Variants in CYTH2 observed in about 807,000 individuals in gnomAD.
The protein encoded by CYTH2 is cytohesin 2.
In CYTH2, 24 loss-of-function variants were observed where a neutral mutation model predicts 55.4. The observed-to-expected ratio is 0.43, with a 90% CI of 0.31 to 0.61. CYTH2 has a LOEUF of 0.61. Among genes scored for constraint, CYTH2 ranks in the 20% least tolerant of loss-of-function variants. CYTH2 has a pLI of 0.08. For synonymous variants in CYTH2, 221 were observed against 209.6 expected (o/e 1.05, Z -0.47); for missense variants, 378 against 533.5 (o/e 0.71, Z 2.87).
At chr19:48,476,021 G>A (rs369531827) in intron 8 of CYTH2, 4 of 519,628 alleles carry the variant, frequency 7.7e-6, no homozygotes, top group African/African-American at 3.8e-5. Flanking sequence ...CAGGCTTCTT[G>A]GAAGGAGGTT....
rs991753613 is a variant in CYTH2 at position 48,469,955 on chromosome 19, T to A, written c.20-398T>A. 4 of 550,706 alleles carry A rather than the reference T, an allele frequency of 7.3e-6. No homozygotes were observed. In the Admixed American group the frequency reaches 8.9e-5, roughly 12 times the overall value. 34.1% of individuals were successfully genotyped at this position (550,706 alleles called of 1,614,324 possible). A position where few individuals can be genotyped will look rare whatever the true frequency, so the allele number is the denominator to read the frequency against. ...ATCAGTTCCCCCGGCTGTAGTGACTTTTCATGGACCCAGTAGTCCGGATAA... is the reference window on the plus strand; with the variant it reads ...ATCAGTTCCCCCGGCTGTAGTGACTATTCATGGACCCAGTAGTCCGGATAA... On this transcript the variant is annotated intron_variant, in intron 1 of 11. Transcript: ENST00000452733.
chr19:48,473,843 C>G, intron 5 of CYTH2, 62 bp from the exon 6 acceptor site: 7 of 1,342,488 alleles, frequency 5.2e-6, no homozygotes, highest in Non-Finnish European at 7.2e-6. Context: ...AACACAGGGA[C>G]TGAGAGTGGG....
rs1972006907 is a variant in CYTH2 at position 48,479,323 on chromosome 19, T to G, written c.*113T>G. On this transcript the variant is annotated 3_prime_UTR_variant, in exon 12 of 12. Coordinates refer to ENST00000452733, the MANE Select transcript of CYTH2 (RefSeq NM_004228.7). ...CCCTGTTTGGAAAATTCACCACCTC[T>G]AGCTCCTCACTGTTCTTTGTAATTA... 19 of 983,906 alleles carry G rather than the reference T, an allele frequency of 1.9e-5. No individual in the cohort carries two copies. The highest frequency in any genetic ancestry group is 3.0e-5 in the Non-Finnish European group (19 of 633,222). 60.9% of individuals were successfully genotyped at this position (983,906 alleles called of 1,614,324 possible). A position where few individuals can be genotyped will look rare whatever the true frequency, so the allele number is the denominator to read the frequency against.
rs150815902 is a variant in CYTH2, at chr19:48,479,644, C to A, written c.*434C>A. 5.4e-3 allele frequency: 966 copies of A among 179,092 alleles called. 13 individuals are homozygous for A. Among genetic ancestry groups the A allele is most frequent in the African/African-American group, 0.02 (872 of 42,570 alleles). The allele number at this position is 179,092 out of a possible 1,614,324, so 11.1% of individuals were successfully genotyped here. On this transcript the variant is annotated 3_prime_UTR_variant, in exon 12 of 12. Transcript: ENST00000452733. ...GGATTCAGGGTCAAGGTCTAGCATT[C>A]ATTCTAGAAGTTACTTGACAGCCAT...
chr19:48,476,192 C>T (rs527866495), intron 8 of CYTH2: 69 of 291,772 alleles, frequency 2.4e-4, no homozygotes, highest in Non-Finnish European at 4.7e-4. Context: ...AATTTCAGCA[C>T]TTTGGGAGGA....
intron 5 of CYTH2, chr19:48,473,627 G>C: frequency 1.7e-6 from 1 of 599,668 alleles, no homozygotes; most frequent in Non-Finnish European, 3.0e-6. Flanking sequence ...CACTGTGTCA[G>C]CATTGCTCTC....
In CYTH2 at chr19:48,475,943, A is replaced by C. The variant is rs544101188; in HGVS notation, c.808+994A>C. ...CTGGGCAGTTACAGTCCAGCACAGC[A>C]GTGGAGGCTTCCCGCGGCAGCAGGA... is the stretch of plus-strand genomic sequence containing the variant. On this transcript the variant is annotated intron_variant, in intron 8 of 11. Coordinates refer to ENST00000452733, the MANE Select transcript of CYTH2 (RefSeq NM_004228.7). 2.2e-5 allele frequency: 11 copies of C among 506,364 alleles called. No individual in the cohort carries two copies. In the East Asian group the frequency reaches 6.1e-4, roughly 28 times the overall value. 31.4% of individuals were successfully genotyped at this position (506,364 alleles called of 1,614,324 possible). A position where few individuals can be genotyped will look rare whatever the true frequency, so the allele number is the denominator to read the frequency against.
intron 8 of CYTH2, chr19:48,475,450 A>G (rs1248757717): frequency 6.4e-6 from 1 of 155,672 alleles, no homozygotes; most frequent in Admixed American, 6.5e-5. Flanking sequence ...ACAGGCAGAA[A>G]AGAGCCAAAC....
Position 48,470,493 on chromosome 19 carries a change from G to A in CYTH2, c.160G>A (p.Glu54Lys), listed in dbSNP as rs553747052. 3.7e-6 allele frequency: 6 copies of A among 1,613,638 alleles called. No individual in the cohort carries two copies. The East Asian group carries it at 1.3e-4, about 36-fold the overall frequency. The change falls in exon 2 of 12, where the codon GAG becomes AAG. Residue 54 changes from glutamate to lysine, a missense_variant. By Grantham distance (56) the Glu-to-Lys change is moderately conservative. Coordinates refer to ENST00000452733, the MANE Select transcript of CYTH2 (RefSeq NM_004228.7). The part of the protein sequence containing the change: ...MSEVEGLEAN[E>K]GSKTLQRNRK... ...CGAGGTGGAGGGGCTGGAGGCCAATGAGGGCAGGTGAGGGCTGGGGCGGAT... is the reference window on the plus strand; with the variant it reads ...CGAGGTGGAGGGGCTGGAGGCCAATAAGGGCAGGTGAGGGCTGGGGCGGAT...
chr19:48,479,084 C>A (rs1436817006), intron 11 of CYTH2, 39 bp from the exon 12 acceptor site: 22 of 1,602,026 alleles, frequency 1.4e-5, no homozygotes, highest in Non-Finnish European at 1.8e-5. Context: ...GAGGCCTGGA[C>A]TCCTTGGCCC....
At position 48,478,362 on chromosome 19, in the gene CYTH2, T is replaced by G. The variant is rs755772840; in HGVS notation, c.957+16T>G. 3 of 1,614,012 alleles carry G rather than the reference T, an allele frequency of 1.9e-6. No individual in the cohort carries two copies. The highest frequency in any genetic ancestry group is 1.7e-5 in the Admixed American group (1 of 60,000). On this transcript the variant is annotated intron_variant, in intron 10 of 11. Transcript: ENST00000452733. ...CCGGAAACCGGTAAGACCCTCTCTG[T>G]ACACCTTCCTGCCAGGGCGGGGCCT...
intron 11 of CYTH2, among the ~76,000 whole-genome samples, chr19:48,478,872 G>A (rs1178977663): frequency 8.2e-5 from 12 of 146,324 alleles, no homozygotes; most frequent in African/African-American, 2.0e-4. Context: ...TGGGTCTGAC[G>A]GAGGAGGGGC....
At chr19:48,478,732 G>A in intron 11 of CYTH2, 140 bp downstream of exon 11, 1 of 905,422 alleles carries the variant, frequency 1.1e-6, no homozygotes, top group Non-Finnish European at 1.6e-6. Flanking sequence ...TGACGGAGGA[G>A]GGGCTGGGGC....
At chr19:48,472,302 G>A in intron 3 of CYTH2, 23 bp from the exon 4 acceptor site, 1 of 1,611,974 alleles carries the variant, frequency 6.2e-7, no homozygotes, top group Non-Finnish European at 8.5e-7. Flanking sequence ...CCTCAGCACT[G>A]AGACCTTGTC....
rs1475473063 is a variant in CYTH2 at position 48,469,437 on chromosome 19, C to T, written c.-71C>T. 2.0e-5 allele frequency: 26 copies of T among 1,307,826 alleles called. No individual in the cohort carries two copies. Among genetic ancestry groups the T allele is most frequent in the Non-Finnish European group, 2.5e-5 (25 of 1,019,598 alleles). The allele number at this position is 1,307,826 out of a possible 1,614,324, so 81.0% of individuals were successfully genotyped here. On this transcript the variant is annotated 5_prime_UTR_variant, in exon 1 of 12. Coordinates refer to ENST00000452733, the MANE Select transcript of CYTH2 (RefSeq NM_004228.7). ...GCGTTTGAGCGGGCTCACCCGAGCC[C>T]GCGGGCCAACGCGGATCCAGGCCCG...
At chr19:48,473,433 T>G in intron 5 of CYTH2, 55 bp downstream of exon 5, 3 of 1,559,656 alleles carry the variant, frequency 1.9e-6, no homozygotes, top group Non-Finnish European at 2.7e-6. Flanking sequence ...AGGGCCTTCC[T>G]AGTTACAAGT....
In CYTH2 at chr19:48,478,302, C is replaced by T. The variant is rs1440776618; in HGVS notation, c.913C>T (p.Leu305=). ...TDKEPRGIIP[L]ENLSIREVDD... is the part of the protein sequence containing the mutation. ...CAAGGAGCCCCGAGGAATCATCCCC[C>T]TGGAGAATCTGAGCATCCGAGAGGT... The change falls in exon 10 of 12, where the codon CTG becomes TTG. Residue 305 remains leucine (L), a synonymous_variant. Transcript: ENST00000452733. 1 of 1,613,884 alleles carries T rather than the reference C, an allele frequency of 6.2e-7. No individual in the cohort carries two copies. Among genetic ancestry groups the T allele is most frequent in the African/African-American group, 1.3e-5 (1 of 74,874 alleles).
chr19:48,469,748 G>A, intron 1 of CYTH2: 2 of 727,916 alleles, frequency 2.7e-6, no homozygotes, highest in Non-Finnish European at 2.2e-6. Context: ...CGGTGGCGGC[G>A]GGAGGGGCGG....
Position 48,474,808 on chromosome 19 carries a change from C to T in CYTH2, c.697-30C>T, listed in dbSNP as rs1236089240. 6.2e-6 allele frequency: 10 copies of T among 1,610,782 alleles called. No individual in the cohort carries two copies. Among genetic ancestry groups the T allele is most frequent in the Non-Finnish European group, 6.8e-6 (8 of 1,177,364 alleles). ...TAACCCTGGGGGGCCCCAGGGGGCT[C>T]GAATGGCTAATGCAGCCTTTACTCC... is the stretch of plus-strand genomic sequence containing the variant. On this transcript the variant is annotated intron_variant, in intron 7 of 11. Coordinates refer to ENST00000452733, the MANE Select transcript of CYTH2 (RefSeq NM_004228.7). The surrounding 1 kb of genome is among the most constrained non-coding windows in gnomAD (Gnocchi z 4.9).
Sources: gnomAD v4.1 joint callset for allele counts (sites outside exome capture counted in the v4.1 genomes callset) on GRCh38, gnomAD v4.1.1 for gene constraint, Gnocchi (gnomAD v3.1) non-coding constraint, MANE v1.5 for transcripts, NCBI Gene and HGNC (gene_info 2026-07-23, HGNC 2026-07-21) for gene names.